Variants in SPON1 observed in about 807,000 individuals in gnomAD.
SPON1 encodes spondin 1, also known as spondin-1.
Under a neutral mutation model 111.7 loss-of-function variants are expected in SPON1, and 52 were observed. The observed-to-expected ratio is 0.47, with a 90% confidence interval of 0.37 to 0.59. SPON1 has a LOEUF of 0.59. SPON1 is among the 20% of genes least tolerant of loss of function. The pLI, the probability that SPON1 is intolerant of heterozygous loss-of-function variation, is 0.00. For synonymous variants in SPON1, 410 were observed against 395.8 expected, an observed-to-expected ratio of 1.04 and a Z score of -0.43; for missense variants, 957 against 1,068.5, an observed-to-expected ratio of 0.90 and a Z score of 1.46.
intron 6 of SPON1, among the ~76,000 whole-genome samples, chr11:14,196,629 C>T (rs778183312): frequency 5.9e-5 from 9 of 152,208 alleles, no homozygotes; most frequent in Non-Finnish European, 1.0e-4. Context: ...TGAAGTAGAA[C>T]ATGTCTAAAA....
At chr11:14,153,605 G>T (rs1257779506) in intron 6 of SPON1, among the ~76,000 whole-genome samples, 2 of 152,206 alleles carry the variant, frequency 1.3e-5, no homozygotes, top group Middle Eastern at 3.4e-3. Flanking sequence ...ATTCATGTGG[G>T]GACACAGAGC....
chr11:14,068,941 G>C (rs1433024832), intron 3 of SPON1, among the ~76,000 whole-genome samples: 1 of 152,150 alleles, frequency 6.6e-6, no homozygotes, highest in Non-Finnish European at 1.5e-5. Context: ...CCAGTGAATT[G>C]TATCAATGTC....
chr11:14,100,352 G>A (rs1554924273), intron 5 of SPON1, among the ~76,000 whole-genome samples: 1 of 151,846 alleles, frequency 6.6e-6, no homozygotes, highest in African/African-American at 2.4e-5. Flanking sequence ...TTTCTGCCAT[G>A]TTATTATACA....
intron 3 of SPON1, among the ~76,000 whole-genome samples, chr11:14,068,525 G>A (rs879964876): frequency 6.6e-6 from 1 of 152,204 alleles, no homozygotes; most frequent in Admixed American, 6.5e-5. Flanking sequence ...AGGTCGAGAT[G>A]TCTGCTCAGA....
chr11:14,171,375 T>C (rs1413193136), intron 6 of SPON1, among the ~76,000 whole-genome samples: 1 of 152,224 alleles, frequency 6.6e-6, no homozygotes, highest in African/African-American at 2.4e-5. Context: ...TCTATTTGAT[T>C]GTTCTCTCTT....
chr11:14,074,285 G>T (rs1466700685), intron 3 of SPON1, among the ~76,000 whole-genome samples: 1 of 152,198 alleles, frequency 6.6e-6, no homozygotes, highest in African/African-American at 2.4e-5. Context: ...ACTAGATGTA[G>T]AGTAGATATT....
At chr11:14,190,110 G>T (rs2133891281) in intron 6 of SPON1, among the ~76,000 whole-genome samples, 1 of 152,178 alleles carries the variant, frequency 6.6e-6, no homozygotes, top group South Asian at 2.1e-4. Context: ...TTTCACAATT[G>T]GGCTTTTCCT....
At chr11:14,056,919 A>T (rs1848749159) in intron 3 of SPON1, among the ~76,000 whole-genome samples, 1 of 152,184 alleles carries the variant, frequency 6.6e-6, no homozygotes, top group Non-Finnish European at 1.5e-5. Flanking sequence ...TCAATTAAAT[A>T]AAATATAACA....
In SPON1 at chr11:14,090,823, GGCCCCCCCCCC is replaced by G. The variant is rs1424559632; in HGVS notation, c.676+10803_676+10813del. Among the ~76,000 whole-genome samples, 15 of 27,056 alleles carry G rather than the reference GGCCCCCCCCCC, an allele frequency of 5.5e-4. 2 individuals are homozygous for G. Among genetic ancestry groups the G allele is most frequent in the African/African-American group, 3.5e-3 (13 of 3,752 alleles). 17.7% of individuals were successfully genotyped at this position (27,056 alleles called of 152,430 possible). ...GCAGCCTGCTTTTATTCTCTTATCT[GGCCCCCCCCCC>G]CCCCCCCCCCGCCCACATCCTGCTG... is the stretch of plus-strand genomic sequence containing the variant. On this transcript the variant is annotated intron_variant, in intron 5 of 15. Coordinates refer to ENST00000576479, the MANE Select transcript of SPON1 (RefSeq NM_006108.4).
chr11:13,984,939 C>T (rs188110688), intron 2 of SPON1, among the ~76,000 whole-genome samples: 5 of 152,332 alleles, frequency 3.3e-5, no homozygotes, highest in East Asian at 1.9e-4. Flanking sequence ...CTCCCTTCTT[C>T]CTCCTCTTAG....
intron 6 of SPON1, among the ~76,000 whole-genome samples, chr11:14,242,842 A>T (rs1329830950): frequency 6.6e-6 from 1 of 152,182 alleles, no homozygotes; most frequent in Non-Finnish European, 1.5e-5. Context: ...TCCTCGTCCA[A>T]GGGAGTCTGA....
At chr11:14,022,843 G>A (rs1848490737) in intron 2 of SPON1, among the ~76,000 whole-genome samples, 1 of 152,206 alleles carries the variant, frequency 6.6e-6, no homozygotes, top group African/African-American at 2.4e-5. Context: ...AACGCTTTGA[G>A]TTGCTGCAAC....
chr11:13,964,913 C>T (rs1554907892), intron 1 of SPON1, among the ~76,000 whole-genome samples: 1 of 151,948 alleles, frequency 6.6e-6, no homozygotes, highest in Non-Finnish European at 1.5e-5. Flanking sequence ...TGGAGTCCAA[C>T]AGACTTGGGT....
At chr11:14,090,517 C>T (rs568203011) in intron 5 of SPON1, among the ~76,000 whole-genome samples, 47 of 152,150 alleles carry the variant, frequency 3.1e-4, no homozygotes, top group Non-Finnish European at 5.7e-4. Context: ...TTTCTTCCTT[C>T]TGGTGGGTTC....
chr11:13,970,719 T>G lies in SPON1; in HGVS notation c.238+7577T>G, dbSNP rs139484401. Among the ~76,000 whole-genome samples, 7 of 152,330 alleles carry G rather than the reference T, an allele frequency of 4.6e-5. No homozygotes were observed. In the East Asian group the frequency reaches 1.2e-3, roughly 25 times the overall value. On this transcript the variant is annotated intron_variant, in intron 1 of 15. Coordinates refer to ENST00000576479, the MANE Select transcript of SPON1 (RefSeq NM_006108.4). Reference sequence around the variant, plus strand: ...CCTTGCTCTTCATGCCTGGGATGGTTGTCCTCAGATCTTTGCATGGCTGAC... The same window carrying G: ...CCTTGCTCTTCATGCCTGGGATGGTGGTCCTCAGATCTTTGCATGGCTGAC...
intron 5 of SPON1, among the ~76,000 whole-genome samples, chr11:14,109,644 A>C (rs1336368001): frequency 1.3e-5 from 2 of 152,202 alleles, no homozygotes; most frequent in Non-Finnish European, 2.9e-5. Flanking sequence ...ATATAGGTCC[A>C]AATCAGACTG....
chr11:14,259,841 G>A lies in SPON1; in HGVS notation c.1831+140G>A, dbSNP rs1227963663. The stretch of plus-strand genomic sequence containing the variant: ...CATGGTCCTTGCTGGGCACTGCTGG[G>A]AGCCAGATGAGAGACATAGGTGTGT... On this transcript the variant is annotated intron_variant, in intron 13 of 15. Transcript: ENST00000576479. This position sits in a 1 kb window ranked among gnomAD's most constrained non-coding sequence, Gnocchi z 5.0. 9 of 917,088 alleles carry A rather than the reference G, an allele frequency of 9.8e-6. No individual in the cohort carries two copies. In the African/African-American group the frequency reaches 1.3e-4, roughly 14 times the overall value. The allele number at this position is 917,088 out of a possible 1,614,324, so 56.8% of individuals were successfully genotyped here.
chr11:14,063,858 A>C (rs557598695), intron 3 of SPON1, among the ~76,000 whole-genome samples: 1 of 152,336 alleles, frequency 6.6e-6, no homozygotes, highest in Admixed American at 6.5e-5. Context: ...GGTTGCCATC[A>C]GCCAAACTGC....
intron 2 of SPON1, among the ~76,000 whole-genome samples, chr11:13,996,709 G>GTC (rs1221848899): frequency 1.1e-4 from 16 of 145,428 alleles, no homozygotes; most frequent in African/African-American, 4.5e-4. Context: ...ACACCTATGT[G>GTC]TGTATATATA....
Sources: gnomAD v4.1 joint callset for allele counts (sites outside exome capture counted in the v4.1 genomes callset) on GRCh38, gnomAD v4.1.1 for gene constraint, Gnocchi (gnomAD v3.1) non-coding constraint, MANE v1.5 for transcripts, NCBI Gene and HGNC (gene_info 2026-07-23, HGNC 2026-07-21) for gene names.